Variants in FHOD3 observed in about 807,000 individuals in gnomAD.
The protein encoded by FHOD3 is formin homology 2 domain containing 3.
Under a neutral mutation model 173.0 loss-of-function variants are expected in FHOD3, and 90 were observed. The ratio of observed to expected loss-of-function variants is 0.52; its 90% CI spans 0.44 to 0.62. FHOD3 has a LOEUF of 0.62. Ranked by LOEUF, FHOD3 falls within the 20% of genes least tolerant of loss-of-function variation. The probability of loss-of-function intolerance (pLI) is 0.00; values close to 1 mark genes in which losing one functional copy is unlikely to be tolerated. For missense variants in FHOD3, 1,945 were observed against 2,034.7 expected (o/e 0.96, Z 0.85); for synonymous variants, 828 against 823.0 (o/e 1.01, Z -0.10).
intron 8 of FHOD3, among the ~76,000 whole-genome samples, chr18:36,603,624 C>T (rs964010418): frequency 2.0e-5 from 3 of 151,960 alleles, no homozygotes; most frequent in Non-Finnish European, 2.9e-5. Context: ...CTGCCTTAGC[C>T]CCTCTAGTAG....
intron 6 of FHOD3, among the ~76,000 whole-genome samples, chr18:36,579,319 C>T (rs1482465214): frequency 6.6e-6 from 1 of 152,200 alleles, no homozygotes; most frequent in Non-Finnish European, 1.5e-5. Context: ...AAAACACCAA[C>T]AACTTGCCCT....
intron 7 of FHOD3, among the ~76,000 whole-genome samples, chr18:36,599,122 C>T (rs972980824): frequency 2.6e-5 from 4 of 152,150 alleles, no homozygotes; most frequent in African/African-American, 9.7e-5. Flanking sequence ...TTAAGGTCTT[C>T]CCTGTGGTGG....
intron 3 of FHOD3, among the ~76,000 whole-genome samples, chr18:36,384,309 G>A (rs548462426): frequency 3.3e-5 from 5 of 152,210 alleles, no homozygotes; most frequent in Non-Finnish European, 7.4e-5. Context: ...GAACCCAGGA[G>A]GCGGAGATTC....
At chr18:36,329,212 C>A (rs2044845914) in intron 1 of FHOD3, among the ~76,000 whole-genome samples, 1 of 152,136 alleles carries the variant, frequency 6.6e-6, no homozygotes, top group South Asian at 2.1e-4. Context: ...TGTGTCCCAC[C>A]CCACTGAAAC....
intron 18 of FHOD3, among the ~76,000 whole-genome samples, chr18:36,716,912 GTA>G (rs1410075928): frequency 2.1e-4 from 30 of 140,828 alleles, no homozygotes; most frequent in African/African-American, 4.0e-4. Flanking sequence ...TTATATATGT[GTA>G]TGTGTGTGTG....
intron 5 of FHOD3, among the ~76,000 whole-genome samples, chr18:36,551,011 T>C (rs2057630787): frequency 6.6e-6 from 1 of 152,184 alleles, no homozygotes; most frequent in Non-Finnish European, 1.5e-5. Context: ...AAGAAAAGCA[T>C]TCAGTGTTTC....
intron 27 of FHOD3, among the ~76,000 whole-genome samples, chr18:36,762,613 C>G (rs555676724): frequency 6.6e-6 from 1 of 151,920 alleles, no homozygotes; most frequent in Non-Finnish European, 1.5e-5. Context: ...TCTGGCCAAC[C>G]GGGTGAAACC....
At chr18:36,690,055 C>T (rs965476105) in intron 16 of FHOD3, among the ~76,000 whole-genome samples, 6 of 152,116 alleles carry the variant, frequency 3.9e-5, no homozygotes, top group Admixed American at 3.9e-4. Flanking sequence ...AGAGACTGAG[C>T]CGCAGTACCA....
intron 6 of FHOD3, among the ~76,000 whole-genome samples, chr18:36,589,094 G>T (rs2059129684): frequency 6.6e-6 from 1 of 152,166 alleles, no homozygotes; most frequent in Non-Finnish European, 1.5e-5. Flanking sequence ...AATGATAGCT[G>T]CAATAGAAAG....
chr18:36,724,389 A>T (rs1017848908), intron 19 of FHOD3, among the ~76,000 whole-genome samples: 8 of 152,200 alleles, frequency 5.3e-5, no homozygotes, highest in Admixed American at 6.5e-5. Flanking sequence ...CTCCCAACCC[A>T]GGTAGCTGCC....
At chr18:36,650,638 T>G (rs1181606539) in intron 11 of FHOD3, among the ~76,000 whole-genome samples, 1 of 152,208 alleles carries the variant, frequency 6.6e-6, no homozygotes, top group Non-Finnish European at 1.5e-5. Flanking sequence ...GAAAATGAGC[T>G]GTAGGAAATT....
chr18:36,320,067 A>G (rs975377802), intron 1 of FHOD3, among the ~76,000 whole-genome samples: 3 of 152,230 alleles, frequency 2.0e-5, no homozygotes, highest in Admixed American at 1.3e-4. Flanking sequence ...TAATGTCACA[A>G]TAGAATAAGA....
chr18:36,548,378 C>A (rs768608704), intron 5 of FHOD3, among the ~76,000 whole-genome samples: 1 of 152,074 alleles, frequency 6.6e-6, no homozygotes, highest in African/African-American at 2.4e-5. Context: ...TAGGTTCAGC[C>A]GTTGATTTTA....
At chr18:36,576,372 C>T in intron 5 of FHOD3, 79 bp from the exon 6 acceptor site, 1 of 996,444 alleles carries the variant, frequency 1.0e-6, no homozygotes, top group Non-Finnish European at 1.5e-6. Flanking sequence ...GTATGAAAAT[C>T]TTGATCAGCA....
chr18:36,605,053 G>A (rs2031904093), intron 8 of FHOD3, among the ~76,000 whole-genome samples: 1 of 152,174 alleles, frequency 6.6e-6, no homozygotes, highest in South Asian at 2.1e-4. Context: ...ACCCTGGTGG[G>A]AAATGGGCAC....
chr18:36,696,864 C>T (rs2039313996), intron 17 of FHOD3, among the ~76,000 whole-genome samples: 1 of 152,206 alleles, frequency 6.6e-6, no homozygotes, highest in African/African-American at 2.4e-5. Context: ...AAAGTTTGGG[C>T]AAACATGGAA....
At chr18:36,322,487 G>A (rs1164302244) in intron 1 of FHOD3, among the ~76,000 whole-genome samples, 2 of 152,136 alleles carry the variant, frequency 1.3e-5, no homozygotes, top group Non-Finnish European at 2.9e-5. Context: ...ACACCAGTAG[G>A]GAGCTGGGGC....
intron 27 of FHOD3, among the ~76,000 whole-genome samples, chr18:36,766,474 C>T (rs1252234682): frequency 6.6e-6 from 1 of 152,202 alleles, no homozygotes; most frequent in Non-Finnish European, 1.5e-5. Flanking sequence ...CTAACACTTA[C>T]TACTACATGG....
chr18:36,521,177 A>G (rs577654141), intron 5 of FHOD3, among the ~76,000 whole-genome samples: 1 of 152,202 alleles, frequency 6.6e-6, no homozygotes, highest in East Asian at 1.9e-4. Flanking sequence ...TGCATTTTGG[A>G]GGCTTGAGGG....
Sources: gnomAD v4.1 joint callset for allele counts (sites outside exome capture counted in the v4.1 genomes callset) on GRCh38, gnomAD v4.1.1 for gene constraint, MANE v1.5 for transcripts, NCBI Gene and HGNC (gene_info 2026-07-23, HGNC 2026-07-21) for gene names.